The following NRCAM variants were observed in gnomAD, a reference collection of about 807,000 sequenced individuals.
The protein encoded by NRCAM is neuronal cell adhesion molecule.
NRCAM carries 83 observed loss-of-function variants against 156.5 expected under a neutral mutation model. The observed-to-expected ratio is 0.53, with a 90% CI of 0.44 to 0.64. The LOEUF (loss-of-function observed/expected upper bound fraction) is 0.64, where lower values mean the gene tolerates loss of function less well. Ranked by LOEUF, NRCAM falls within the 30% of genes least tolerant of loss-of-function variation. The probability of loss-of-function intolerance (pLI) is 0.00; values close to 1 mark genes in which losing one functional copy is unlikely to be tolerated. For missense variants in NRCAM, 1,417 were observed against 1,597.3 expected (o/e 0.89, Z 1.92); for synonymous variants, 538 against 563.9 (o/e 0.95, Z 0.65).
intron 1 of NRCAM, among the ~76,000 whole-genome samples, chr7:108,445,374 G>T (rs897925205): frequency 6.6e-6 from 1 of 152,152 alleles, no homozygotes; most frequent in Non-Finnish European, 1.5e-5. Flanking sequence ...CTATCCTGCA[G>T]CATCAACAAG....
At position 108,166,998 on chromosome 7, in the gene NRCAM, G is replaced by A. The variant is rs1323213393; in HGVS notation, c.3389C>T (p.Thr1130Ile). ...AGCACCAACTCGAACTTTGTATGCTGTTCCTGGCATTAGACCCTTTAACCC... is the reference window on the plus strand; with the variant it reads ...AGCACCAACTCGAACTTTGTATGCTATTCCTGGCATTAGACCCTTTAACCC... ...FFGLKGLMPGTAYKVRVGAVG... is the reference protein window; with the variant it reads ...FFGLKGLMPGIAYKVRVGAVG... Residue 1130 changes from threonine (T) to isoleucine (I), a missense_variant, in exon 30 of 33, where the codon ACA (threonine) becomes ATA (isoleucine). Transcript: ENST00000379028. The A allele has an allele frequency of 6.2e-7, 1 of 1,613,872 alleles. No homozygotes were observed. Among genetic ancestry groups the A allele is most frequent in the Admixed American group, 1.7e-5 (1 of 60,008 alleles).
chr7:108,303,866 T>G (rs1239921695), intron 3 of NRCAM, among the ~76,000 whole-genome samples: 1 of 152,218 alleles, frequency 6.6e-6, no homozygotes, highest in African/African-American at 2.4e-5. Context: ...TACATGTATA[T>G]GTACACAATA....
intron 1 of NRCAM, among the ~76,000 whole-genome samples, chr7:108,422,780 G>C (rs190188285): frequency 5.9e-5 from 9 of 152,244 alleles, no homozygotes; most frequent in East Asian, 1.9e-4. Context: ...ATATATAAAA[G>C]AGGCCAGAGA....
At chr7:108,339,353 T>C (rs1393951329) in intron 2 of NRCAM, among the ~76,000 whole-genome samples, 2 of 152,202 alleles carry the variant, frequency 1.3e-5, no homozygotes, top group African/African-American at 4.8e-5. Flanking sequence ...TGCGAGCTGT[T>C]TGCACTCAGC....
chr7:108,179,093 T>A (rs1018166688), intron 25 of NRCAM, among the ~76,000 whole-genome samples: 1 of 152,194 alleles, frequency 6.6e-6, no homozygotes, highest in Admixed American at 6.5e-5. Flanking sequence ...AAGTGGTTCT[T>A]TACTTTAGGG....
chr7:108,150,338 A>G (rs567177210), intron 32 of NRCAM, among the ~76,000 whole-genome samples, 191 bp from the exon 33 acceptor site: 1 of 152,312 alleles, frequency 6.6e-6, no homozygotes, highest in East Asian at 1.9e-4. Flanking sequence ...TGGTTGAATC[A>G]TGAAGTCTTC....
At chr7:108,408,212 A>T (rs1790898775) in intron 1 of NRCAM, among the ~76,000 whole-genome samples, 1 of 152,222 alleles carries the variant, frequency 6.6e-6, no homozygotes, top group South Asian at 2.1e-4. Context: ...TGTACTAGGT[A>T]CTATGCTAGG....
At chr7:108,427,409 T>C (rs940701859) in intron 1 of NRCAM, among the ~76,000 whole-genome samples, 5 of 152,198 alleles carry the variant, frequency 3.3e-5, no homozygotes, top group Non-Finnish European at 5.9e-5. Flanking sequence ...ACATTACAGG[T>C]GTTTCATAAA....
At chr7:108,419,472 G>A (rs575742606) in intron 1 of NRCAM, among the ~76,000 whole-genome samples, 1 of 152,256 alleles carries the variant, frequency 6.6e-6, no homozygotes, top group East Asian at 1.9e-4. Flanking sequence ...AAATAAAGCT[G>A]CATGTTTCAT....
intron 11 of NRCAM, among the ~76,000 whole-genome samples, chr7:108,218,499 T>C (rs1242911963): frequency 6.6e-6 from 1 of 152,134 alleles, no homozygotes; most frequent in East Asian, 1.9e-4. Flanking sequence ...ATTGAAATTA[T>C]ATCAAGCACT....
intron 2 of NRCAM, 143 bp from the exon 3 acceptor site, chr7:108,312,874 CTAGATT>C (rs1351792669): frequency 6.6e-6 from 1 of 152,152 alleles, no homozygotes; most frequent in Non-Finnish European, 1.5e-5. Flanking sequence ...CAAATCATGA[CTAGATT>C]TGCCAAAACA....
At chr7:108,455,574 C>T (rs988687911) in intron 1 of NRCAM, among the ~76,000 whole-genome samples, 25 of 152,156 alleles carry the variant, frequency 1.6e-4, no homozygotes, top group African/African-American at 6.0e-4. Flanking sequence ...AGCGCCCCAC[C>T]CCTCTGTCCT....
At chr7:108,179,157 A>C (rs973896584) in intron 25 of NRCAM, among the ~76,000 whole-genome samples, 1 of 152,152 alleles carries the variant, frequency 6.6e-6, no homozygotes, top group Non-Finnish European at 1.5e-5. Context: ...CCCTGGAAAA[A>C]TATACATTTA....
chr7:108,391,089 C>A (rs1055186683), intron 2 of NRCAM, among the ~76,000 whole-genome samples: 1 of 152,194 alleles, frequency 6.6e-6, no homozygotes, highest in Non-Finnish European at 1.5e-5. Context: ...TCTATTAGGT[C>A]TGCTTGGTGC....
At chr7:108,427,577 GAAGAAA>G (rs1818967910) in intron 1 of NRCAM, among the ~76,000 whole-genome samples, 1 of 152,076 alleles carries the variant, frequency 6.6e-6, no homozygotes, top group Admixed American at 6.5e-5. Flanking sequence ...ATTTTACCTT[GAAGAAA>G]AAGAATTTAT....
intron 1 of NRCAM, among the ~76,000 whole-genome samples, chr7:108,400,358 C>A (rs757392893): frequency 2.0e-5 from 3 of 152,144 alleles, no homozygotes; most frequent in African/African-American, 7.2e-5. Flanking sequence ...GAGCAGAAAC[C>A]ACGAGTTCTA....
Position 108,155,503 on chromosome 7 carries a change from C to A in NRCAM, c.3677+3960G>T, listed in dbSNP as rs527369900. ...TCACAATGCTAAAACTGCATGACTT[C>A]CCCTGGGAAGACTCCCTGTACCATC... is the stretch of plus-strand genomic sequence containing the variant. On this transcript the variant is annotated intron_variant, in intron 32 of 32. Transcript: ENST00000379028. Among the ~76,000 whole-genome samples the A allele has an allele frequency of 1.6e-3, 241 of 152,124 alleles. 1 individual carries two copies. The highest frequency in any genetic ancestry group is 2.3e-3 in the Non-Finnish European group (154 of 67,964).
At chr7:108,157,193 G>A (rs944655233) in intron 32 of NRCAM, among the ~76,000 whole-genome samples, 2 of 152,118 alleles carry the variant, frequency 1.3e-5, no homozygotes, top group South Asian at 4.2e-4. Flanking sequence ...TTACATGTAT[G>A]ACAAATGTAC....
intron 3 of NRCAM, among the ~76,000 whole-genome samples, chr7:108,299,141 A>AGG (rs1359233529): frequency 8.8e-6 from 1 of 113,964 alleles, no homozygotes; most frequent in Admixed American, 8.6e-5. Flanking sequence ...AAAGAAAGAA[A>AGG]AGAAAAGTAA....
Sources: gnomAD v4.1 joint callset for allele counts (sites outside exome capture counted in the v4.1 genomes callset) on GRCh38, gnomAD v4.1.1 for gene constraint, MANE v1.5 for transcripts, NCBI Gene and HGNC (gene_info 2026-07-23, HGNC 2026-07-21) for gene names.